Variants in SLC25A21 observed in about 807,000 individuals in gnomAD.
SLC25A21 encodes the protein solute carrier family 25 member 21.
In SLC25A21, 47 loss-of-function variants were observed where a neutral mutation model predicts 43.8. That is an observed-to-expected ratio of 1.07 (90% CI 0.85 to 1.37). SLC25A21 has a LOEUF of 1.37. Ranked by LOEUF, SLC25A21 falls within the 40% of genes most tolerant of loss-of-function variation. The pLI is 0.00. For missense variants in SLC25A21, 352 were observed against 350.2 expected (o/e 1.00, Z -0.04); for synonymous variants, 131 against 121.3 (o/e 1.08, Z -0.52).
chr14:37,040,645 A>G (rs1300962770), intron 1 of SLC25A21, among the ~76,000 whole-genome samples: 1 of 151,982 alleles, frequency 6.6e-6, no homozygotes, highest in African/African-American at 2.4e-5. Flanking sequence ...TGTAGAGTGA[A>G]TTAGAAGAAT....
At chr14:37,077,729 G>A (rs1000678167) in intron 1 of SLC25A21, among the ~76,000 whole-genome samples, 8 of 152,060 alleles carry the variant, frequency 5.3e-5, no homozygotes, top group East Asian at 1.9e-4. Context: ...GTATGTTTGC[G>A]TGCTTTGTCG....
chr14:37,074,570 A>T (rs1962240955), intron 1 of SLC25A21, among the ~76,000 whole-genome samples: 2 of 152,188 alleles, frequency 1.3e-5, no homozygotes, highest in Non-Finnish European at 2.9e-5. Context: ...GGTGGCTCAC[A>T]CCTGTAATCC....
chr14:36,816,497 CTTTT>C (rs373274280), intron 2 of SLC25A21, among the ~76,000 whole-genome samples: 5 of 131,814 alleles, frequency 3.8e-5, no homozygotes, highest in African/African-American at 5.6e-5. Context: ...ATATTCTCCT[CTTTT>C]TTTTTTTTTT....
chr14:37,031,707 A>G (rs953699564), intron 1 of SLC25A21, among the ~76,000 whole-genome samples: 1 of 152,140 alleles, frequency 6.6e-6, no homozygotes, highest in African/African-American at 2.4e-5. Context: ...ATTCACTCCT[A>G]CTTTCAAATT....
intron 1 of SLC25A21, among the ~76,000 whole-genome samples, chr14:36,909,417 T>G (rs2138609480): frequency 6.6e-6 from 1 of 152,314 alleles, no homozygotes; most frequent in Non-Finnish European, 1.5e-5. Context: ...CATTTTCACC[T>G]CTGTTCAGGA....
intron 3 of SLC25A21, among the ~76,000 whole-genome samples, chr14:36,811,219 T>C (rs1449083359): frequency 6.6e-6 from 1 of 152,148 alleles, no homozygotes; most frequent in Non-Finnish European, 1.5e-5. Flanking sequence ...ATTTCCCAAA[T>C]ACTCTGAAGA....
chr14:36,921,172 G>A (rs1891970327), intron 1 of SLC25A21, among the ~76,000 whole-genome samples: 1 of 151,906 alleles, frequency 6.6e-6, no homozygotes, highest in Admixed American at 6.6e-5. Context: ...TAGAAATTGT[G>A]GCCCAATGAA....
intron 3 of SLC25A21, among the ~76,000 whole-genome samples, chr14:36,755,955 T>A (rs546629165): frequency 6.6e-6 from 1 of 152,138 alleles, no homozygotes; most frequent in East Asian, 1.9e-4. Context: ...CTTCCAACCA[T>A]CCAGCCACAT....
At chr14:36,690,140 C>G (rs543895739) in intron 7 of SLC25A21, among the ~76,000 whole-genome samples, 4 of 152,222 alleles carry the variant, frequency 2.6e-5, no homozygotes, top group African/African-American at 9.6e-5. Context: ...TACTGGCTAG[C>G]AGCAAGTACA....
chr14:37,074,758 G>A (rs1328750064), intron 1 of SLC25A21, among the ~76,000 whole-genome samples: 4 of 152,108 alleles, frequency 2.6e-5, no homozygotes, highest in Non-Finnish European at 4.4e-5. Context: ...GCTGGAACCC[G>A]AGAGGCAGAG....
At chr14:37,147,486 T>G (rs776467439) in intron 1 of SLC25A21, among the ~76,000 whole-genome samples, 23 of 152,058 alleles carry the variant, frequency 1.5e-4, no homozygotes, top group Non-Finnish European at 4.4e-5. Flanking sequence ...CATCTGAGTA[T>G]CTCTATCCCA....
At chr14:37,114,449 T>C (rs779359792) in intron 1 of SLC25A21, among the ~76,000 whole-genome samples, 3 of 152,178 alleles carry the variant, frequency 2.0e-5, no homozygotes, top group Non-Finnish European at 4.4e-5. Context: ...ATTAGAAACT[T>C]TGAAGGCAAG....
intron 1 of SLC25A21, among the ~76,000 whole-genome samples, chr14:37,169,869 A>G (rs1964092480): frequency 6.6e-6 from 1 of 152,132 alleles, no homozygotes; most frequent in South Asian, 2.1e-4. Context: ...TCATTTATTA[A>G]TAACTCCATA....
chr14:36,893,105 A>C (rs1459479676), intron 1 of SLC25A21, among the ~76,000 whole-genome samples: 1 of 152,308 alleles, frequency 6.6e-6, no homozygotes, highest in South Asian at 2.1e-4. Context: ...CTAGTTCCAG[A>C]TCCCTGAGGA....
intron 1 of SLC25A21, among the ~76,000 whole-genome samples, chr14:37,007,280 A>C (rs1960625030): frequency 6.6e-6 from 1 of 152,178 alleles, no homozygotes; most frequent in Non-Finnish European, 1.5e-5. Context: ...ATTAGGTCTG[A>C]TAGCCTGGAA....
intron 5 of SLC25A21, 44 bp from the exon 6 acceptor site, chr14:36,725,721 G>A: frequency 7.7e-7 from 1 of 1,303,188 alleles, no homozygotes. Context: ...AAGTTATCAT[G>A]TGTATGGGGT....
chr14:37,075,996 C>G (rs1413472282), intron 1 of SLC25A21, among the ~76,000 whole-genome samples: 2 of 152,202 alleles, frequency 1.3e-5, no homozygotes, highest in African/African-American at 2.4e-5. Context: ...GGATGGGCAC[C>G]TGCCCTGGAG....
intron 2 of SLC25A21, among the ~76,000 whole-genome samples, chr14:36,831,738 T>G (rs375134641): frequency 7.2e-5 from 1 of 13,896 alleles, no homozygotes; most frequent in Admixed American, 1.6e-3. Flanking sequence ...ATGCTTCCTT[T>G]GCTGTTTTCT....
chr14:36,924,780 C>A (rs1892083901), intron 1 of SLC25A21, among the ~76,000 whole-genome samples: 1 of 152,068 alleles, frequency 6.6e-6, no homozygotes, highest in Non-Finnish European at 1.5e-5. Context: ...AGTATTTACA[C>A]TATTTATATA....
Sources: gnomAD v4.1 joint callset for allele counts (sites outside exome capture counted in the v4.1 genomes callset) on GRCh38, gnomAD v4.1.1 for gene constraint, MANE v1.5 for transcripts, NCBI Gene and HGNC (gene_info 2026-07-23, HGNC 2026-07-21) for gene names.